Variants in APP observed in about 807,000 individuals in gnomAD.
APP encodes amyloid-beta precursor protein.
APP carries 31 observed loss-of-function variants against 101.4 expected under a neutral mutation model. The ratio of observed to expected loss-of-function variants is 0.31; its 90% CI spans 0.23 to 0.41. The LOEUF (loss-of-function observed/expected upper bound fraction) is 0.41, where lower values mean the gene tolerates loss of function less well. APP is among the 10% of genes least tolerant of loss of function. APP has a pLI of 1.00. For missense variants in APP, 839 were observed against 1,003.7 expected (o/e 0.84, Z 2.22); for synonymous variants, 366 against 364.4 (o/e 1.00, Z -0.05).
chr21:26,111,498 G>T (rs2062322358), intron 2 of APP, among the ~76,000 whole-genome samples: 2 of 152,240 alleles, frequency 1.3e-5, no homozygotes, highest in South Asian at 4.2e-4. Flanking sequence ...AGCACTTTGG[G>T]AGGTCCAGCC....
chr21:25,990,792 A>C (rs1310985201), intron 8 of APP, among the ~76,000 whole-genome samples: 3 of 86 alleles, frequency 0.035, no homozygotes, highest in African/African-American at 0.1. Context: ...CATTAATAAA[A>C]TTATCAGGTA....
chr21:25,931,919 T>A (rs899049144), intron 13 of APP, among the ~76,000 whole-genome samples: 6 of 152,142 alleles, frequency 3.9e-5, no homozygotes, highest in Non-Finnish European at 8.8e-5. Flanking sequence ...ACGTTCCCAA[T>A]ACTAGCAGAA....
chr21:26,125,581 G>GT (rs746347099), intron 1 of APP, among the ~76,000 whole-genome samples: 4 of 152,058 alleles, frequency 2.6e-5, no homozygotes, highest in Admixed American at 6.6e-5. Context: ...ATTCGGTGCG[G>GT]TGTTTAGGGG....
chr21:26,042,109 G>A (rs1409157565), intron 5 of APP, among the ~76,000 whole-genome samples: 6 of 151,512 alleles, frequency 4.0e-5, no homozygotes, highest in Admixed American at 6.6e-5. Flanking sequence ...TTCACTTTGC[G>A]GCCCTCTAAA....
At chr21:26,121,449 G>A (rs555711551) in intron 1 of APP, among the ~76,000 whole-genome samples, 11 of 151,838 alleles carry the variant, frequency 7.2e-5, no homozygotes, top group African/African-American at 1.2e-4. Context: ...GTGCAGTAGC[G>A]TGATCTCAGC....
intron 6 of APP, among the ~76,000 whole-genome samples, chr21:26,013,386 G>C (rs1004223440): frequency 6.6e-6 from 1 of 151,826 alleles, no homozygotes; most frequent in African/African-American, 2.4e-5. Flanking sequence ...CTGAACCTCT[G>C]AGTTGCTGGA....
chr21:26,147,123 A>G (rs2146328783), intron 1 of APP, among the ~76,000 whole-genome samples: 1 of 152,200 alleles, frequency 6.6e-6, no homozygotes, highest in African/African-American at 2.4e-5. Flanking sequence ...TTTATTGGCT[A>G]TTCTTACCTA....
intron 6 of APP, among the ~76,000 whole-genome samples, chr21:26,001,029 A>G (rs973513997): frequency 6.6e-6 from 1 of 152,124 alleles, no homozygotes; most frequent in Non-Finnish European, 1.5e-5. Context: ...TAATTATGCT[A>G]CTTAATTGAT....
At chr21:25,946,404 G>A (rs1449952416) in intron 13 of APP, among the ~76,000 whole-genome samples, 3 of 152,284 alleles carry the variant, frequency 2.0e-5, no homozygotes, top group South Asian at 2.1e-4. Context: ...AGTGGCTCAC[G>A]CCTGTAATCC....
intron 11 of APP, among the ~76,000 whole-genome samples, chr21:25,960,158 C>T (rs781637195): frequency 4.0e-5 from 6 of 151,546 alleles, no homozygotes; most frequent in Non-Finnish European, 7.4e-5. Flanking sequence ...TGTATGTCTA[C>T]GTGTAAGTGT....
At chr21:25,989,988 T>C (rs924917279) in intron 8 of APP, among the ~76,000 whole-genome samples, 2 of 152,122 alleles carry the variant, frequency 1.3e-5, no homozygotes, top group African/African-American at 4.8e-5. Flanking sequence ...TAACGCATTC[T>C]ACATTCAAAT....
At chr21:26,010,052 TAC>T (rs2043722103) in intron 6 of APP, 1 of 154,324 alleles carries the variant, frequency 6.5e-6, no homozygotes, top group African/African-American at 2.4e-5. Flanking sequence ...GACTGACATG[TAC>T]ACCTCTCCAT....
At chr21:26,079,666 G>A (rs548197462) in intron 3 of APP, among the ~76,000 whole-genome samples, 1 of 152,276 alleles carries the variant, frequency 6.6e-6, no homozygotes, top group South Asian at 2.1e-4. Context: ...GCCTCTAAAG[G>A]CATTTTTGTC....
chr21:25,935,005 G>A (rs2040303295), intron 13 of APP: 2 of 152,196 alleles, frequency 1.3e-5, no homozygotes, highest in East Asian at 1.9e-4. Flanking sequence ...CACTCAGCAA[G>A]GAAGTGGAAG....
At position 26,014,950 on chromosome 21, in the gene APP, TAA is replaced by T. The variant is rs199892657; in HGVS notation, c.865+6888_865+6889del. On this transcript the variant is annotated intron_variant, in intron 6 of 17. Coordinates refer to ENST00000346798, the MANE Select transcript of APP (RefSeq NM_000484.4). ...CAAGGCTTAAAATACCTGCAAGAAATAAAACTCTATCTTGAAATGCAGTGGCA... is the reference window on the plus strand; with the variant it reads ...CAAGGCTTAAAATACCTGCAAGAAATAACTCTATCTTGAAATGCAGTGGCA... Among the ~76,000 whole-genome samples the T allele has an allele frequency of 1.8e-4, 27 of 152,332 alleles. No homozygotes were observed. The East Asian group carries it at 4.0e-3, about 23-fold the overall frequency.
At chr21:25,894,078 CA>C (rs2037871144) in intron 16 of APP, among the ~76,000 whole-genome samples, 1 of 152,192 alleles carries the variant, frequency 6.6e-6, no homozygotes, top group Non-Finnish European at 1.5e-5. Context: ...GGGATGACAG[CA>C]CATCTCTTAA....
chr21:26,104,309 GA>G (rs953066755), intron 2 of APP, among the ~76,000 whole-genome samples: 19 of 150,202 alleles, frequency 1.3e-4, no homozygotes, highest in African/African-American at 2.7e-4. Flanking sequence ...ATACATACTT[GA>G]AAAAAAAGGG....
intron 17 of APP, among the ~76,000 whole-genome samples, chr21:25,882,208 T>C (rs192609851): frequency 1.2e-3 from 185 of 151,878 alleles, no homozygotes; most frequent in African/African-American, 4.3e-3. Context: ...ATACTGTATC[T>C]TGGGTGACAC....
chr21:25,883,111 C>A (rs2037095722), intron 17 of APP, among the ~76,000 whole-genome samples: 1 of 152,118 alleles, frequency 6.6e-6, no homozygotes, highest in African/African-American at 2.4e-5. Context: ...ACTAAAAGAT[C>A]TGTCAATATG....
Sources: gnomAD v4.1 joint callset for allele counts (sites outside exome capture counted in the v4.1 genomes callset) on GRCh38, gnomAD v4.1.1 for gene constraint, MANE v1.5 for transcripts, NCBI Gene and HGNC (gene_info 2026-07-23, HGNC 2026-07-21) for gene names.